Variants in SAMD12 observed in about 807,000 individuals in gnomAD.
SAMD12 encodes the protein sterile alpha motif domain-containing protein 12.
A neutral mutation model predicts 15.0 loss-of-function variants in SAMD12; 9 were observed. That is an observed-to-expected ratio of 0.60 (90% confidence interval 0.36 to 1.05). The LOEUF is 1.05. Ranked by LOEUF, SAMD12 falls within the 50% of genes least tolerant of loss-of-function variation. The pLI is 0.01. For synonymous variants in SAMD12, 86 were observed against 90.1 expected, an observed-to-expected ratio of 0.96 and a Z score of 0.25; for missense variants, 230 against 234.2, an observed-to-expected ratio of 0.98 and a Z score of 0.12.
intron 2 of SAMD12, 54 bp from the exon 3 acceptor site, chr8:118,440,015 C>G (rs1449148629): frequency 1.3e-6 from 2 of 1,588,232 alleles, no homozygotes; most frequent in Non-Finnish European, 1.7e-6. Flanking sequence ...TAGGAAGACA[C>G]TATAGTTAAA....
intron 2 of SAMD12, among the ~76,000 whole-genome samples, chr8:118,451,551 A>G (rs10096317): frequency 0.5 from 75,980 of 152,084 alleles, 19,962 homozygotes; most frequent in Admixed American, 0.6. Context: ...GTGAAGATCA[A>G]ATCAAATAAT....
chr8:118,185,719 A>G (rs1307825941), downstream of SAMD12, among the ~76,000 whole-genome samples: 1 of 152,208 alleles, frequency 6.6e-6, no homozygotes, highest in African/African-American at 2.4e-5. Context: ...AGCCTTGTCC[A>G]AGGTTATGCA....
intron 2 of SAMD12, among the ~76,000 whole-genome samples, chr8:118,561,298 AT>A (rs1826693870): frequency 6.6e-6 from 1 of 152,342 alleles, no homozygotes; most frequent in Non-Finnish European, 1.5e-5. Flanking sequence ...ACATCTCTAT[AT>A]TTTAAATTTT....
intron 2 of SAMD12, among the ~76,000 whole-genome samples, chr8:118,554,165 C>G (rs1371027851): frequency 6.6e-6 from 1 of 152,098 alleles, no homozygotes; most frequent in Non-Finnish European, 1.5e-5. Flanking sequence ...CCATTTGACC[C>G]AGACATCCCA....
chr8:118,379,706 G>A lies in SAMD12; in HGVS notation c.323-6C>T. 6.2e-7 allele frequency: 1 copy of A among 1,610,826 alleles called. No homozygotes were observed. The highest frequency in any genetic ancestry group is 8.5e-7 in the Non-Finnish European group (1 of 1,178,068). On this transcript the variant is annotated splice_polypyrimidine_tract_variant and splice_region_variant and intron_variant, in intron 3 of 3. Transcript: ENST00000314727. ...AAGTCTCAGCAGGGCTCGCCCTGCA[G>A]GGTTTTAAGAAATAAAAGGAAAAGC...
intron 4 of SAMD12, among the ~76,000 whole-genome samples, chr8:118,357,269 G>T (rs1162946346): frequency 6.6e-6 from 1 of 152,164 alleles, no homozygotes; most frequent in Admixed American, 6.5e-5. Context: ...ACAGGGTCTT[G>T]CTCTGTTGTC....
chr8:118,414,687 A>G (rs1490339248), intron 3 of SAMD12, among the ~76,000 whole-genome samples: 1 of 152,190 alleles, frequency 6.6e-6, no homozygotes, highest in Non-Finnish European at 1.5e-5. Flanking sequence ...AATCCCTTTC[A>G]TATTAGTCAT....
intron 4 of SAMD12, among the ~76,000 whole-genome samples, chr8:118,236,873 A>G (rs528920202): frequency 2.9e-4 from 44 of 152,324 alleles, no homozygotes; most frequent in African/African-American, 1.0e-3. Flanking sequence ...TCATGCTGCA[A>G]AAAGTTGGAA....
chr8:118,617,408 C>A (rs966201990), intron 1 of SAMD12, among the ~76,000 whole-genome samples: 7 of 152,204 alleles, frequency 4.6e-5, no homozygotes, highest in African/African-American at 9.7e-5. Context: ...AAACATAGAA[C>A]CTGAGCACTG....
intron 2 of SAMD12, among the ~76,000 whole-genome samples, chr8:118,561,139 G>A (rs540278360): frequency 5.3e-5 from 8 of 152,178 alleles, no homozygotes; most frequent in African/African-American, 1.9e-4. Flanking sequence ...TCCCCAGGGT[G>A]CAAAACAAAA....
chr8:118,291,225 C>T (rs1439578951), intron 4 of SAMD12: 2 of 152,088 alleles, frequency 1.3e-5, no homozygotes, highest in African/African-American at 4.8e-5. Context: ...TAATAACACA[C>T]AGGAAAAACC....
intron 4 of SAMD12, among the ~76,000 whole-genome samples, chr8:118,316,512 GT>G (rs1212793541): frequency 1.3e-5 from 2 of 152,026 alleles, no homozygotes; most frequent in African/African-American, 4.8e-5. Flanking sequence ...CTCCAGTCTG[GT>G]GATAGAACAA....
chr8:118,407,722 A>G (rs1821203652), intron 3 of SAMD12, among the ~76,000 whole-genome samples: 1 of 152,148 alleles, frequency 6.6e-6, no homozygotes, highest in Non-Finnish European at 1.5e-5. Flanking sequence ...CTTCCAGATT[A>G]TTATCAACCC....
At chr8:118,531,511 C>A (rs1026355673) in intron 2 of SAMD12, among the ~76,000 whole-genome samples, 1 of 152,032 alleles carries the variant, frequency 6.6e-6, no homozygotes, top group African/African-American at 2.4e-5. Flanking sequence ...CTATAAATTA[C>A]CTTGGGCAGT....
chr8:118,251,428 G>A (rs909301947), intron 4 of SAMD12, among the ~76,000 whole-genome samples: 2 of 152,066 alleles, frequency 1.3e-5, no homozygotes, highest in African/African-American at 4.8e-5. Flanking sequence ...TTTGAAATGA[G>A]GTGACAAAGG....
At chr8:118,542,597 G>C (rs773534707) in intron 2 of SAMD12, among the ~76,000 whole-genome samples, 13 of 152,108 alleles carry the variant, frequency 8.5e-5, no homozygotes, top group Non-Finnish European at 7.4e-5. Flanking sequence ...AGGTCTTCCA[G>C]AACCAAGAAA....
intron 3 of SAMD12, among the ~76,000 whole-genome samples, chr8:118,432,544 C>A (rs1822447491): frequency 1.3e-5 from 2 of 152,318 alleles, no homozygotes; most frequent in East Asian, 3.9e-4. Flanking sequence ...TTCAGTCAAA[C>A]TTCAACATAC....
exon 5 of SAMD12, chr8:118,191,803 TATATATATAGAGAGAGAGAG>T (rs1819403167): frequency 6.9e-5 from 2 of 29,164 alleles, no homozygotes; most frequent in Admixed American, 4.0e-4. Context: ...TATATATATA[TATATATATAGAGAGAGAGAG>T]AGAGAGAGAG....
At chr8:118,537,296 TACTTG>T (rs1409145507) in intron 2 of SAMD12, among the ~76,000 whole-genome samples, 1 of 152,206 alleles carries the variant, frequency 6.6e-6, no homozygotes, top group Non-Finnish European at 1.5e-5. Context: ...AACCTTCTTG[TACTTG>T]AATATTGATA....
Sources: allele counts gnomAD v4.1 joint callset (sites outside exome capture counted in the v4.1 genomes callset), GRCh38; gene constraint gnomAD v4.1.1; transcripts MANE v1.5; gene names NCBI Gene and HGNC (gene_info 2026-07-23, HGNC 2026-07-21).